Variants in EPB41L3 observed in about 807,000 individuals in gnomAD.
EPB41L3 encodes erythrocyte membrane protein band 4.1 like 3.
In EPB41L3, 57 loss-of-function variants were observed where a neutral mutation model predicts 127.1. The observed-to-expected ratio is 0.45, with a 90% CI of 0.36 to 0.56. EPB41L3 has a LOEUF of 0.56. Among genes scored for constraint, EPB41L3 ranks in the 20% least tolerant of loss-of-function variants. The pLI is 0.00. For missense variants in EPB41L3, 1,273 were observed against 1,372.2 expected (o/e 0.93, Z 1.14); for synonymous variants, 572 against 549.5 (o/e 1.04, Z -0.57).
chr18:5,629,797 C>A (rs544223109), upstream of EPB41L3, among the ~76,000 whole-genome samples: 1 of 152,268 alleles, frequency 6.6e-6, no homozygotes, highest in Non-Finnish European at 1.5e-5. Context: ...CTGCCGGGAC[C>A]GGGGAGCCAG....
Position 5,489,113 on chromosome 18 carries a change from C to CCCG in EPB41L3, c.68_70dup (p.Ala23dup), listed in dbSNP as rs1347870593. The CCCG allele has an allele frequency of 2.5e-6, 4 of 1,594,680 alleles. No individual in the cohort carries two copies. The highest frequency in any genetic ancestry group is 3.4e-6 in the Non-Finnish European group (4 of 1,174,840). ...GGGCGCCCCCGCGCGCCCCTGCGCC[C>CCCG]CCGCCGCCTCCTGGGGCTCGGCCTC... On this transcript the variant is annotated inframe_insertion, in exon 2 of 23. Transcript: ENST00000341928.
intron 3 of EPB41L3, among the ~76,000 whole-genome samples, chr18:5,446,074 A>G (rs753771262): frequency 1.3e-5 from 2 of 152,218 alleles, no homozygotes; most frequent in Non-Finnish European, 2.9e-5. Context: ...CTCTCACTTA[A>G]AACCTATCCC....
intron 16 of EPB41L3, chr18:5,400,245 T>G: frequency 5.6e-6 from 1 of 179,422 alleles, no homozygotes; most frequent in Non-Finnish European, 1.2e-5. Flanking sequence ...AAGAAACTTT[T>G]GTATTCAGGG....
chr18:5,483,005 T>G (rs1452174575), intron 2 of EPB41L3, among the ~76,000 whole-genome samples: 2 of 152,200 alleles, frequency 1.3e-5, no homozygotes, highest in African/African-American at 4.8e-5. Context: ...CAGTGTACAA[T>G]GTACTACTAG....
chr18:5,431,221 T>C (rs2078969102), intron 8 of EPB41L3: 1 of 152,150 alleles, frequency 6.6e-6, no homozygotes, highest in South Asian at 2.1e-4. Flanking sequence ...CTTTGTGTAA[T>C]ATGGGTATTT....
Position 5,489,054 on chromosome 18 carries a change from C to CCTG in EPB41L3, c.127_129dup (p.Gln43dup). The CCTG allele has an allele frequency of 1.9e-6, 3 of 1,596,046 alleles. No individual in the cohort carries two copies. Among genetic ancestry groups the CCTG allele is most frequent in the Non-Finnish European group, 2.5e-6 (3 of 1,176,720 alleles). On this transcript the variant is annotated inframe_insertion, in exon 2 of 23. Coordinates refer to ENST00000341928, the MANE Select transcript of EPB41L3 (RefSeq NM_012307.5). ...GCAGCGGCGGCGAACTGCTCCAGGG[C>CCTG]CTGCTGCTGCTCCTCCTTGGGCGGC...
intron 9 of EPB41L3, among the ~76,000 whole-genome samples, chr18:5,425,278 A>G (rs867582802): frequency 6.6e-6 from 1 of 152,296 alleles, no homozygotes; most frequent in South Asian, 2.1e-4. Flanking sequence ...TTGTTTGTTG[A>G]GGATGATTAG....
At chr18:5,544,159 G>T (rs1056217270), upstream of EPB41L3, 1 of 985,538 alleles carries the variant, frequency 1.0e-6, no homozygotes, top group Non-Finnish European at 1.2e-6. Context: ...AGCCGCGGGG[G>T]AGGGGGCCAC....
chr18:5,615,567 G>A (rs1434738567), intron 1 of EPB41L3, among the ~76,000 whole-genome samples: 1 of 152,172 alleles, frequency 6.6e-6, no homozygotes, highest in African/African-American at 2.4e-5. Flanking sequence ...AATAAAGAGT[G>A]TGATTGTTTT....
chr18:5,541,885 G>A lies in EPB41L3; in HGVS notation c.-12+2028C>T, dbSNP rs114398587. Among the ~76,000 whole-genome samples, 517 of 152,264 alleles carry A rather than the reference G, an allele frequency of 3.4e-3. 2 individuals are homozygous for A. Among genetic ancestry groups the A allele is most frequent in the African/African-American group, 0.012 (487 of 41,544 alleles). ...TATGGATGAATTATTCACAAAACAT[G>A]TTCTGTTTTGAAAAACTTATTTTGG... is the stretch of plus-strand genomic sequence containing the variant. On this transcript the variant is annotated intron_variant, in intron 1 of 22. Coordinates refer to ENST00000341928, the MANE Select transcript of EPB41L3 (RefSeq NM_012307.5).
chr18:5,460,394 T>G (rs879838986), intron 3 of EPB41L3, among the ~76,000 whole-genome samples: 4 of 152,202 alleles, frequency 2.6e-5, no homozygotes, highest in Non-Finnish European at 5.9e-5. Flanking sequence ...TTTGGCCCCA[T>G]GTCCATGCCA....
At chr18:5,566,703 CTTTCTTTTCTTTTCT>C in intron 3 of EPB41L3, among the ~76,000 whole-genome samples, 2 of 147,524 alleles carry the variant, frequency 1.4e-5, no homozygotes, top group African/African-American at 5.1e-5. Context: ...ACTACCTGAC[CTTTCTTTTCTTTTCT>C]ATTCCATTCT....
At position 5,499,170 on chromosome 18, in the gene EPB41L3, C is replaced by G. The variant is rs2091492583; in HGVS notation, c.-11-9976G>C. Among the ~76,000 whole-genome samples the G allele has an allele frequency of 2.0e-5, 3 of 152,164 alleles. No homozygotes were observed. In the South Asian group the frequency reaches 6.2e-4, roughly 32 times the overall value. On this transcript the variant is annotated intron_variant, in intron 1 of 22. Coordinates refer to ENST00000341928, the MANE Select transcript of EPB41L3 (RefSeq NM_012307.5). ...CTGCTCTCTACATGCTCAGCTCACC[C>G]CAACAGGACAGGGGTTCAGCCAGGT...
rs866210822 is a variant in EPB41L3 at position 5,421,833 on chromosome 18, G to C, written c.1339+1545C>G. Reference sequence around the variant, plus strand: ...GACTCAGAAGGCAGACAGTGGCGGGGGTGGTGGTGACGGATAAAAAACTAC... The same window carrying C: ...GACTCAGAAGGCAGACAGTGGCGGGCGTGGTGGTGACGGATAAAAAACTAC... On this transcript the variant is annotated intron_variant, in intron 11 of 22. Transcript: ENST00000341928. 2.0e-4 allele frequency among the ~76,000 whole-genome samples: 30 copies of C among 152,154 alleles called. No individual in the cohort carries two copies. The Middle Eastern group carries it at 0.024, about 121-fold the overall frequency.
intron 3 of EPB41L3, among the ~76,000 whole-genome samples, chr18:5,451,287 T>C (rs1239432253): frequency 6.6e-6 from 1 of 152,238 alleles, no homozygotes; most frequent in Non-Finnish European, 1.5e-5. Context: ...CATACTATCA[T>C]GATGAGCTCA....
intron 1 of EPB41L3, among the ~76,000 whole-genome samples, chr18:5,536,181 T>C (rs2093566229): frequency 6.6e-6 from 1 of 152,156 alleles, no homozygotes; most frequent in African/African-American, 2.4e-5. Context: ...TTGCTTGTTT[T>C]AGTTTGTTAG....
At chr18:5,446,439 C>A (rs572823133) in intron 3 of EPB41L3, among the ~76,000 whole-genome samples, 1 of 152,114 alleles carries the variant, frequency 6.6e-6, no homozygotes, top group Non-Finnish European at 1.5e-5. Flanking sequence ...AAGTCTGTGA[C>A]GAATTAACTG....
chr18:5,576,712 A>G (rs1428236281), intron 3 of EPB41L3, among the ~76,000 whole-genome samples: 1 of 152,242 alleles, frequency 6.6e-6, no homozygotes, highest in African/African-American at 2.4e-5. Context: ...CTGAGGTTTA[A>G]GTAACATCCA....
intron 1 of EPB41L3, among the ~76,000 whole-genome samples, chr18:5,621,419 A>G (rs1050855321): frequency 6.6e-6 from 1 of 152,186 alleles, no homozygotes; most frequent in East Asian, 1.9e-4. Context: ...CATGGGTTAC[A>G]TTTGTATCCA....
Sources: allele counts gnomAD v4.1 joint callset (sites outside exome capture counted in the v4.1 genomes callset), GRCh38; gene constraint gnomAD v4.1.1; transcripts MANE v1.5; gene names NCBI Gene and HGNC (gene_info 2026-07-23, HGNC 2026-07-21).